Variants in SYNE2 observed in about 807,000 individuals in gnomAD.
SYNE2 encodes spectrin repeat containing nuclear envelope protein 2.
SYNE2 carries 431 observed loss-of-function variants against 856.3 expected under a neutral mutation model. The ratio of observed to expected loss-of-function variants is 0.50; its 90% CI spans 0.47 to 0.55. The LOEUF is 0.55. SYNE2 is among the 20% of genes least tolerant of loss of function. The pLI, the probability that SYNE2 is intolerant of heterozygous loss-of-function variation, is 0.00. For synonymous variants in SYNE2, 2,923 were observed against 2,872.3 expected (o/e 1.02, Z -0.56); for missense variants, 8,129 against 8,023.2 (o/e 1.01, Z -0.50).
At chr14:63,814,485 TTATATATATCCATATATATAA>T (rs1003682466) in intron 1 of SYNE2, among the ~76,000 whole-genome samples, 8 of 35,928 alleles carry the variant, frequency 2.2e-4, no homozygotes, top group East Asian at 5.2e-4. Flanking sequence ...ATATATATCC[TTATATATATCCATATATATAA>T]TATATATATC....
chr14:63,972,768 G>GA (rs1161815241), intron 11 of SYNE2, among the ~76,000 whole-genome samples: 3 of 152,046 alleles, frequency 2.0e-5, no homozygotes, highest in African/African-American at 7.2e-5. Context: ...CCCTCAGTCG[G>GA]AAAAAACAGG....
At chr14:63,981,596 C>A (rs2096586119) in intron 16 of SYNE2, among the ~76,000 whole-genome samples, 1 of 152,118 alleles carries the variant, frequency 6.6e-6, no homozygotes, top group Non-Finnish European at 1.5e-5. Flanking sequence ...CTAAAATCTT[C>A]CTGAGTTTCT....
chr14:63,983,883 A>G lies in SYNE2; in HGVS notation c.2148A>G (p.Ile716Met), dbSNP rs765823107. The change falls in exon 18 of 116, where the codon ATA becomes ATG. Residue 716 changes from isoleucine (I) to methionine (M), a missense_variant. Around this residue, in one of 3 missense-constraint regions of SYNE2, gnomAD observed 2,422 missense variants for 2,357.4 expected, o/e 1.03. Coordinates refer to ENST00000555002, the MANE Select transcript of SYNE2 (RefSeq NM_182914.3). The part of the protein sequence containing the change: ...VELPENYNQN[I>M]KAGEKHEKEN... ...TTCCTGAAAATTATAATCAAAATAT[A>G]AAGGTAAAATAATCATACTTTGTAT... is the stretch of plus-strand genomic sequence containing the variant. 3.3e-6 allele frequency: 5 copies of G among 1,518,936 alleles called. No homozygotes were observed. The African/African-American group carries it at 5.6e-5, about 17-fold the overall frequency. 94.1% of individuals were successfully genotyped at this position (1,518,936 alleles called of 1,614,324 possible).
chr14:64,077,758 G>T (rs185961389), intron 54 of SYNE2, among the ~76,000 whole-genome samples: 2 of 152,160 alleles, frequency 1.3e-5, no homozygotes, highest in Admixed American at 1.3e-4. Context: ...CATCAGTCAG[G>T]TATTTGGAAA....
At chr14:64,154,108 T>A (rs1487482222) in intron 85 of SYNE2, among the ~76,000 whole-genome samples, 1 of 148,598 alleles carries the variant, frequency 6.7e-6, no homozygotes, top group African/African-American at 2.5e-5. Flanking sequence ...AGGTGGGAGA[T>A]CATTTGAGGC....
intron 84 of SYNE2, among the ~76,000 whole-genome samples, chr14:64,149,996 T>C (rs2098224919): frequency 6.9e-6 from 1 of 145,552 alleles, no homozygotes; most frequent in South Asian, 2.1e-4. Flanking sequence ...CATGGCTTTT[T>C]TTTTTCTTTT....
chr14:64,152,754 CATATTCTTTTA>C, intron 85 of SYNE2, 38 bp downstream of exon 85: 1 of 1,612,168 alleles, frequency 6.2e-7, no homozygotes, highest in Non-Finnish European at 8.5e-7. Context: ...TTTCTCTTCA[CATATTCTTTTA>C]CCTTATTTGT....
rs547981161 is a variant in SYNE2 at position 63,932,321 on chromosome 14, G to T, written c.80-8293G>T. Among the ~76,000 whole-genome samples, 3 of 152,332 alleles carry T rather than the reference G, an allele frequency of 2.0e-5. No homozygotes were observed. In the East Asian group the frequency reaches 5.8e-4, roughly 29 times the overall value. On this transcript the variant is annotated intron_variant, in intron 2 of 115. Coordinates refer to ENST00000555002, the MANE Select transcript of SYNE2 (RefSeq NM_182914.3). ...CACTTAAACCCGGAAGGCGGAGGTT[G>T]CAGTGAGCCGAGATCGTGCCATTGC...
chr14:63,820,789 A>G (rs1889183774), intron 1 of SYNE2, among the ~76,000 whole-genome samples: 2 of 148,626 alleles, frequency 1.3e-5, no homozygotes, highest in Admixed American at 1.4e-4. Context: ...TCACTCTTTC[A>G]CCCAGGCTGT....
chr14:63,882,838 A>G (rs2094896644), intron 1 of SYNE2, among the ~76,000 whole-genome samples: 1 of 152,330 alleles, frequency 6.6e-6, no homozygotes, highest in African/African-American at 2.4e-5. Flanking sequence ...TCAGAGACAC[A>G]GTGGCTGAGC....
intron 87 of SYNE2, among the ~76,000 whole-genome samples, 180 bp from the exon 88 acceptor site, chr14:64,161,892 T>C (rs1457029705): frequency 6.6e-6 from 1 of 152,182 alleles, no homozygotes; most frequent in African/African-American, 2.4e-5. Context: ...ATAGCCTAAT[T>C]TGGATTTATT....
intron 58 of SYNE2, 35 bp downstream of exon 58, chr14:64,087,891 T>G: frequency 6.2e-7 from 1 of 1,608,282 alleles, no homozygotes; most frequent in Non-Finnish European, 8.5e-7. Context: ...CATTCAGGAT[T>G]AAATTAGAGG....
At chr14:64,063,027 T>C in intron 50 of SYNE2, 132 bp downstream of exon 50, 1 of 1,073,912 alleles carries the variant, frequency 9.3e-7, no homozygotes, top group Non-Finnish European at 1.4e-6. Context: ...TCCATGAATA[T>C]TCCTCAAATC....
At chr14:64,204,808 G>A (rs753520083) in intron 100 of SYNE2, among the ~76,000 whole-genome samples, 3 of 152,244 alleles carry the variant, frequency 2.0e-5, no homozygotes, top group Non-Finnish European at 4.4e-5. Context: ...GCTTAAAAAC[G>A]CAAATTTACT....
At chr14:63,846,788 G>A (rs571234896) in intron 1 of SYNE2, among the ~76,000 whole-genome samples, 3 of 151,820 alleles carry the variant, frequency 2.0e-5, no homozygotes, top group African/African-American at 7.2e-5. Context: ...GTAGAGACGA[G>A]GTTTCACCAT....
chr14:63,982,537 A>AAAAG, intron 16 of SYNE2, 93 bp from the exon 17 acceptor site: 1 of 691,578 alleles, frequency 1.4e-6, no homozygotes, highest in Non-Finnish European at 2.0e-6. Context: ...AAAAAAAAAA[A>AAAAG]GAAAAGAAAA....
chr14:63,784,937 T>C (rs1234650203), intron 1 of SYNE2, among the ~76,000 whole-genome samples: 2 of 131,310 alleles, frequency 1.5e-5, no homozygotes, highest in African/African-American at 2.7e-5. Flanking sequence ...AATTCAGTGG[T>C]GGACTGTTAT....
chr14:63,864,808 G>C (rs1484790631), intron 1 of SYNE2, among the ~76,000 whole-genome samples: 1 of 152,124 alleles, frequency 6.6e-6, no homozygotes, highest in African/African-American at 2.4e-5. Context: ...TTATGCCCCT[G>C]GACTAGAGCA....
At chr14:64,095,690 T>A (rs1309870038) in intron 61 of SYNE2, among the ~76,000 whole-genome samples, 1 of 152,194 alleles carries the variant, frequency 6.6e-6, no homozygotes, top group Non-Finnish European at 1.5e-5. Flanking sequence ...TCTCAACCAT[T>A]GGCCCTTGGT....
Sources: gnomAD v4.1 joint callset for allele counts (sites outside exome capture counted in the v4.1 genomes callset) on GRCh38, gnomAD v4.1.1 for gene constraint, gnomAD v4.1.1 regional missense constraint, MANE v1.5 for transcripts, NCBI Gene and HGNC (gene_info 2026-07-23, HGNC 2026-07-21) for gene names.